FUS: variants seen among roughly 807,000 people sequenced by gnomAD.
FUS encodes the protein RNA-binding protein FUS.
Under a neutral mutation model 82.7 loss-of-function variants are expected in FUS, and 5 were observed. The ratio of observed to expected loss-of-function variants is 0.06; its 90% CI spans 0.03 to 0.13. The LOEUF (loss-of-function observed/expected upper bound fraction) is 0.13. Ranked by LOEUF, FUS falls within the 10% of genes least tolerant of loss-of-function variation. The pLI, the probability that FUS is intolerant of heterozygous loss-of-function variation, is 1.00. For synonymous variants in FUS, 281 were observed against 247.4 expected, an observed-to-expected ratio of 1.14 and a Z score of -1.27; for missense variants, 512 against 707.8, an observed-to-expected ratio of 0.72 and a Z score of 3.14.
intron 9 of FUS, 21 bp from the exon 10 acceptor site, chr16:31,189,644 A>G: frequency 6.2e-7 from 1 of 1,614,024 alleles, no homozygotes; most frequent in Non-Finnish European, 8.5e-7. Flanking sequence ...AATTGATGTT[A>G]CCTCATTTTG....
At chr16:31,193,147 G>A (rs763040125), downstream of FUS, 4 of 485,932 alleles carry the variant, frequency 8.2e-6, no homozygotes, top group South Asian at 6.2e-5. Flanking sequence ...TCTCCATGTT[G>A]GTCAGGCTGG....
chr16:31,182,310 A>G (rs2079190881), intron 1 of FUS, 88 bp from the exon 2 acceptor site: 2 of 1,494,830 alleles, frequency 1.3e-6, no homozygotes, highest in Non-Finnish European at 9.3e-7. Context: ...CTTTTTATTC[A>G]TCAGTGCTTG....
At chr16:31,190,180 G>A in intron 11 of FUS, 39 bp downstream of exon 11, 1 of 1,613,954 alleles carries the variant, frequency 6.2e-7, no homozygotes, top group Non-Finnish European at 8.5e-7. Context: ...GGGGTAATGG[G>A]GAGAGTGCAG....
chr16:31,183,722 C>G (rs1257223715), intron 3 of FUS, 136 bp from the exon 4 acceptor site: 2 of 1,032,494 alleles, frequency 1.9e-6, no homozygotes, highest in African/African-American at 3.1e-5. Flanking sequence ...ACTATCTTTG[C>G]CTATGAGTTG....
downstream of FUS, chr16:31,194,736 C>G (rs184109677): frequency 1.4e-3 from 667 of 484,908 alleles, 8 homozygotes; most frequent in African/African-American, 0.012. Context: ...TGAATGAGAA[C>G]ATACAAAGCC....
chr16:31,184,745 T>G (rs1342286470), intron 5 of FUS, among the ~76,000 whole-genome samples, 194 bp from the exon 6 acceptor site: 3 of 152,206 alleles, frequency 2.0e-5, no homozygotes, highest in African/African-American at 7.2e-5. Context: ...GCCTGGTGTC[T>G]GCAGCCCATT....
At chr16:31,189,021 C>A in intron 8 of FUS, 102 bp from the exon 9 acceptor site, 1 of 867,044 alleles carries the variant, frequency 1.2e-6, no homozygotes, top group South Asian at 1.3e-5. Flanking sequence ...TTCCATAAAC[C>A]AAATGATACC....
At chr16:31,183,318 T>A (rs2079209711) in intron 3 of FUS, 1 of 168,754 alleles carries the variant, frequency 5.9e-6, no homozygotes, top group African/African-American at 2.4e-5. Flanking sequence ...TATTGGTTTG[T>A]GATTCTGTTT....
At chr16:31,194,118 T>A (rs894725706), downstream of FUS, 3 of 532,222 alleles carry the variant, frequency 5.6e-6, no homozygotes, top group African/African-American at 1.9e-5. Context: ...CCCTTTCAGC[T>A]TTTTTCCCCA....
At chr16:31,185,260 T>C (rs1310280180) in intron 6 of FUS, 81 bp downstream of exon 6, 9 of 1,460,386 alleles carry the variant, frequency 6.2e-6, no homozygotes, top group Admixed American at 2.3e-5. Flanking sequence ...CAGTCCCTAG[T>C]GCATGGTTTA....
At chr16:31,181,857 T>C (rs2144098645) in intron 1 of FUS, among the ~76,000 whole-genome samples, 1 of 152,310 alleles carries the variant, frequency 6.6e-6, no homozygotes, top group African/African-American at 2.4e-5. Context: ...TTTCCAATGG[T>C]TAAGGCTTCT....
rs1317264189 is a variant in FUS at position 31,190,763 on chromosome 16, C to T, written c.1314C>T (p.Phe438=). ...CPNPTCENMN[F]SWRNECNQCK... is the part of the protein sequence containing the mutation. ...TTAGCACCTGTGAGAATATGAACTT[C>T]TCTTGGAGGAATGAATGCAACCAGT... The change falls in exon 13 of 15, where the codon TTC becomes TTT. Residue 438 remains phenylalanine, a synonymous_variant. Transcript: ENST00000254108. 10 of 1,614,032 alleles carry T rather than the reference C, an allele frequency of 6.2e-6. No homozygotes were observed. The highest frequency in any genetic ancestry group is 8.5e-6 in the Non-Finnish European group (10 of 1,180,020).
chr16:31,186,746 A>C (rs1044970496), intron 6 of FUS, 56 bp from the exon 7 acceptor site: 1 of 1,571,460 alleles, frequency 6.4e-7, no homozygotes, highest in Middle Eastern at 1.7e-4. Context: ...ATCAAAAAAC[A>C]ACCTTTTGTA....
intron 3 of FUS, 99 bp from the exon 4 acceptor site, chr16:31,183,759 C>A: frequency 6.9e-7 from 1 of 1,452,018 alleles, no homozygotes; most frequent in Non-Finnish European, 9.7e-7. Context: ...TTCTGAGAGG[C>A]TGGCTTTATG....
chr16:31,187,081 T>C, intron 7 of FUS: 1 of 581,316 alleles, frequency 1.7e-6, no homozygotes, highest in South Asian at 2.0e-5. Flanking sequence ...AAGAGGGGTC[T>C]AGTAGGCCTT....
chr16:31,184,104 G>A (rs1567471103), intron 4 of FUS, 102 bp downstream of exon 4: 2 of 1,612,158 alleles, frequency 1.2e-6, no homozygotes, highest in Non-Finnish European at 8.5e-7. Context: ...TGTAATTGGG[G>A]TAGGGGAGCC....
chr16:31,191,480 T>C lies in FUS; in HGVS notation c.*42T>C. The C allele has an allele frequency of 1.9e-6, 3 of 1,595,330 alleles. No homozygotes were observed. Among genetic ancestry groups the C allele is most frequent in the Non-Finnish European group, 2.6e-6 (3 of 1,163,086 alleles). ...GGTTCTGGAACAGCTTTTTGTCCTG[T>C]ACCCAGTGTTACCCTCGTTATTTTG... is the stretch of plus-strand genomic sequence containing the variant. On this transcript the variant is annotated 3_prime_UTR_variant, in exon 15 of 15. Coordinates refer to ENST00000254108, the MANE Select transcript of FUS (RefSeq NM_004960.4).
chr16:31,182,137 G>GCGC (rs2079188304), intron 1 of FUS: 2 of 468,200 alleles, frequency 4.3e-6, no homozygotes, highest in Non-Finnish European at 7.9e-6. Context: ...TTACAGGCGT[G>GCGC]CGCCACCATG....
chr16:31,193,093 C>A (rs761905338), downstream of FUS: 1 of 484,000 alleles, frequency 2.1e-6, no homozygotes, highest in Admixed American at 2.3e-5. Context: ...GCATGCGCCA[C>A]CATGCCCAGC....
Sources: allele counts gnomAD v4.1 joint callset (sites outside exome capture counted in the v4.1 genomes callset), GRCh38; gene constraint gnomAD v4.1.1; transcripts MANE v1.5; gene names NCBI Gene and HGNC (gene_info 2026-07-23, HGNC 2026-07-21).